DHTKD1: variants seen among roughly 807,000 people sequenced by gnomAD.
DHTKD1 encodes 2-oxoadipate dehydrogenase complex component E1.
Under a neutral mutation model 101.8 loss-of-function variants are expected in DHTKD1, and 78 were observed. That is an observed-to-expected ratio of 0.77 (90% CI 0.64 to 0.93). DHTKD1 has a LOEUF of 0.93. DHTKD1 is among the 40% of genes least tolerant of loss of function. The pLI is 0.00. For synonymous variants in DHTKD1, 462 were observed against 450.3 expected (o/e 1.03, Z -0.33); for missense variants, 1,223 against 1,161.7 (o/e 1.05, Z -0.77).
chr10:12,092,102 GC>G (rs1832999675), intron 6 of DHTKD1, among the ~76,000 whole-genome samples: 1 of 151,390 alleles, frequency 6.6e-6, no homozygotes, highest in Admixed American at 6.6e-5. Context: ...TCATGCCTCA[GC>G]CTCCCAAGTA....
chr10:12,116,741 G>T (rs896448067), intron 13 of DHTKD1, among the ~76,000 whole-genome samples: 3 of 151,240 alleles, frequency 2.0e-5, no homozygotes, highest in Non-Finnish European at 4.4e-5. Flanking sequence ...CTGTCACCCA[G>T]GCTGGAGTGC....
rs749553344 is a variant in DHTKD1 at position 12,097,679 on chromosome 10, G to A, written c.1359-5G>A. On this transcript the variant is annotated splice_region_variant and splice_polypyrimidine_tract_variant and intron_variant, in intron 7 of 16. Coordinates refer to ENST00000263035, the MANE Select transcript of DHTKD1 (RefSeq NM_018706.7). ...TGATTTTTGTTTCTTCTCTTTCTTG[G>A]GCAGAGCTCGAAAGAGCATTCCAGA... 3.1e-6 allele frequency: 5 copies of A among 1,602,148 alleles called. No homozygotes were observed. Among genetic ancestry groups the A allele is most frequent in the Admixed American group, 3.4e-5 (2 of 58,592 alleles).
intron 7 of DHTKD1, among the ~76,000 whole-genome samples, chr10:12,097,197 G>A (rs1276981080): frequency 1.3e-5 from 2 of 152,058 alleles, no homozygotes; most frequent in African/African-American, 2.4e-5. Context: ...ACAAAGTGGT[G>A]CAACCATCAC....
At chr10:12,117,920 G>C (rs1833446729) in intron 14 of DHTKD1, among the ~76,000 whole-genome samples, 165 bp downstream of exon 14, 1 of 151,364 alleles carries the variant, frequency 6.6e-6, no homozygotes, top group Non-Finnish European at 1.5e-5. Flanking sequence ...GACTGAGTCT[G>C]GCTCTATTGC....
chr10:12,069,217 G>A (rs1156761829), intron 1 of DHTKD1, 30 bp downstream of exon 1: 2 of 1,520,320 alleles, frequency 1.3e-6, no homozygotes, highest in Non-Finnish European at 8.8e-7. Context: ...CGGTGGGAGC[G>A]GGGGCTGGGA....
chr10:12,117,555 G>T (rs1833439513), intron 13 of DHTKD1, 118 bp from the exon 14 acceptor site: 1 of 693,000 alleles, frequency 1.4e-6, no homozygotes, highest in Non-Finnish European at 2.6e-6. Flanking sequence ...TTAGGACATG[G>T]GTCTCCTTGC....
At chr10:12,081,322 G>C in intron 1 of DHTKD1, 150 bp from the exon 2 acceptor site, 1 of 587,428 alleles carries the variant, frequency 1.7e-6, no homozygotes. Flanking sequence ...ACTCCAGCCT[G>C]GGCAATAGAG....
intron 1 of DHTKD1, among the ~76,000 whole-genome samples, chr10:12,076,036 G>T (rs1215443740): frequency 6.6e-6 from 1 of 150,438 alleles, no homozygotes; most frequent in Non-Finnish European, 1.5e-5. Context: ...TTTTCCCACA[G>T]CAACAGTCTT....
At chr10:12,109,878 G>T (rs988733301) in intron 12 of DHTKD1, among the ~76,000 whole-genome samples, 2 of 152,068 alleles carry the variant, frequency 1.3e-5, no homozygotes, top group Admixed American at 6.6e-5. Flanking sequence ...CCATTTGTTG[G>T]TTGATGACTG....
Position 12,069,518 on chromosome 10 carries a change from C to CTTT in DHTKD1, c.154+351_154+353dup, listed in dbSNP as rs10691718. On this transcript the variant is annotated intron_variant, in intron 1 of 16. Transcript: ENST00000263035. ...CTTTTTTTCTTTCTCTTTTTGTTTC[C>CTTT]TTTTTTTTTTTTTTTTTTTTTTGAG... 8.4e-3 allele frequency among the ~76,000 whole-genome samples: 684 copies of CTTT among 81,504 alleles called. 25 individuals are homozygous for CTTT. Among genetic ancestry groups the CTTT allele is most frequent in the Non-Finnish European group, 0.012 (546 of 46,018 alleles). 53.5% of individuals were successfully genotyped at this position (81,504 alleles called of 152,430 possible). A position where few individuals can be genotyped will look rare whatever the true frequency, so the allele number is the denominator to read the frequency against.
chr10:12,103,542 G>C lies in DHTKD1; in HGVS notation c.1896+2361G>C, dbSNP rs1833203713. On this transcript the variant is annotated intron_variant, in intron 10 of 16. Coordinates refer to ENST00000263035, the MANE Select transcript of DHTKD1 (RefSeq NM_018706.7). This position sits in a 1 kb window ranked among gnomAD's most constrained non-coding sequence, Gnocchi z 4.8. The stretch of plus-strand genomic sequence containing the variant: ...GTGTGTGTGTGTATGTATGTGACAG[G>C]TCCTCCTCTGTTGCCTAGGCTGGAG... 7.8e-6 allele frequency among the ~76,000 whole-genome samples: 1 copy of C among 128,492 alleles called. No individual in the cohort carries two copies. The highest frequency in any genetic ancestry group is 1.7e-5 in the Non-Finnish European group (1 of 57,312). The allele number at this position is 128,492 out of a possible 152,430, so 84.3% of individuals were successfully genotyped here.
At position 12,087,020 on chromosome 10, in the gene DHTKD1, G is replaced by A. The variant is rs1832913584; in HGVS notation, c.523-515G>A. Among the ~76,000 whole-genome samples, 1 of 152,154 alleles carries A rather than the reference G, an allele frequency of 6.6e-6. No individual in the cohort carries two copies. The highest frequency in any genetic ancestry group is 2.1e-4 in the South Asian group (1 of 4,834). On this transcript the variant is annotated intron_variant, in intron 3 of 16. Transcript: ENST00000263035. The surrounding 1 kb of genome is among the most constrained non-coding windows in gnomAD (Gnocchi z 5.2). ...CTTCTTAAGAACTAAAGATACTTAA[G>A]TTCAGAACTTAATCTGAGATGATCA... is the stretch of plus-strand genomic sequence containing the variant.
At chr10:12,086,709 T>C (rs1009835795) in intron 3 of DHTKD1, among the ~76,000 whole-genome samples, 25 of 152,222 alleles carry the variant, frequency 1.6e-4, no homozygotes, top group African/African-American at 5.8e-4. Context: ...GTTGCAGTTC[T>C]TGAGACAGTC....
At position 12,118,732 on chromosome 10, in the gene DHTKD1, C is replaced by G; in HGVS notation, c.2403-17C>G. The G allele has an allele frequency of 6.7e-7, 1 of 1,487,560 alleles. No individual in the cohort carries two copies. Among genetic ancestry groups the G allele is most frequent in the Non-Finnish European group, 9.0e-7 (1 of 1,115,302 alleles). The allele number at this position is 1,487,560 out of a possible 1,614,324, so 92.1% of individuals were successfully genotyped here. A position where few individuals can be genotyped will look rare whatever the true frequency, so the allele number is the denominator to read the frequency against. ...AAAATTTCTCCCCCACCCTATTGTTCCTTTTCTGTCCAACAGGGTTAAGAC... is the reference window on the plus strand; with the variant it reads ...AAAATTTCTCCCCCACCCTATTGTTGCTTTTCTGTCCAACAGGGTTAAGAC... On this transcript the variant is annotated splice_polypyrimidine_tract_variant and intron_variant, in intron 14 of 16. Coordinates refer to ENST00000263035, the MANE Select transcript of DHTKD1 (RefSeq NM_018706.7).
chr10:12,114,031 A>T (rs1477293236), intron 13 of DHTKD1, among the ~76,000 whole-genome samples: 1 of 83,858 alleles, frequency 1.2e-5, no homozygotes, highest in East Asian at 4.0e-4. Flanking sequence ...ATTATTTGTC[A>T]TTCTTTTTTT....
At position 12,110,246 on chromosome 10, in the gene DHTKD1, T is replaced by C. The variant is rs1322012564; in HGVS notation, c.2154+2231T>C. On this transcript the variant is annotated intron_variant, in intron 12 of 16. Transcript: ENST00000263035. This position sits in a 1 kb window ranked among gnomAD's most constrained non-coding sequence, Gnocchi z 4.9. ...CTGGGAGGCGGAGCTTGCAGTGAGC[T>C]GAGATTGCGCCATGCACTCCAGCCT... 1.3e-5 allele frequency among the ~76,000 whole-genome samples: 2 copies of C among 152,200 alleles called. No homozygotes were observed. The highest frequency in any genetic ancestry group is 1.9e-4 in the East Asian group (1 of 5,186).
chr10:12,080,414 A>G (rs1407800670), intron 1 of DHTKD1, among the ~76,000 whole-genome samples: 2 of 151,858 alleles, frequency 1.3e-5, no homozygotes, highest in South Asian at 2.1e-4. Flanking sequence ...TGGACCTTAT[A>G]AGTTTTAAAA....
At position 12,089,068 on chromosome 10, in the gene DHTKD1, C is replaced by A. The variant is rs764869852; in HGVS notation, c.800C>A (p.Ser267Tyr). Residue 267 changes from serine (S) to tyrosine (Y), a missense_variant, in exon 5 of 17, where the codon TCC becomes TAC. Ser to Tyr is a moderately radical substitution (Grantham distance 144). Transcript: ENST00000263035. ...GGAGACGTCCTGTCTCACCTGACCT[C>A]CTCTGTGGACCTGTACTTTGGGGCG... ...ATGDVLSHLT[S>Y]SVDLYFGAHH... 5.6e-6 allele frequency: 9 copies of A among 1,614,170 alleles called. No homozygotes were observed. Among genetic ancestry groups the A allele is most frequent in the Non-Finnish European group, 7.6e-6 (9 of 1,180,014 alleles).
Position 12,090,389 on chromosome 10 carries a change from T to TCC in DHTKD1, c.988-1124_988-1123insCC, listed in dbSNP as rs1554791901. Among the ~76,000 whole-genome samples the TCC allele has an allele frequency of 4.8e-3, 512 of 105,820 alleles. 14 individuals are homozygous for TCC. Among genetic ancestry groups the TCC allele is most frequent in the Middle Eastern group, 0.01 (2 of 196 alleles). 69.4% of individuals were successfully genotyped at this position (105,820 alleles called of 152,430 possible). The stretch of plus-strand genomic sequence containing the variant: ...CCTCCCTTCCTTCCTTCCTTCCTTT[T>TCC]TTCCTTCCTTCCTTCCTTTTTTCCT... On this transcript the variant is annotated intron_variant, in intron 5 of 16. Coordinates refer to ENST00000263035, the MANE Select transcript of DHTKD1 (RefSeq NM_018706.7).
Sources: allele counts gnomAD v4.1 joint callset (sites outside exome capture counted in the v4.1 genomes callset), GRCh38; gene constraint gnomAD v4.1.1; non-coding constraint Gnocchi (gnomAD v3.1); transcripts MANE v1.5; gene names NCBI Gene and HGNC (gene_info 2026-07-23, HGNC 2026-07-21).